The following PRTG variants were observed in gnomAD, a reference collection of about 807,000 sequenced individuals.
PRTG encodes protogenin.
A neutral mutation model predicts 122.5 loss-of-function variants in PRTG; 67 were observed. The observed-to-expected ratio is 0.55, with a 90% confidence interval of 0.45 to 0.67. The LOEUF (loss-of-function observed/expected upper bound fraction) is 0.67. PRTG is among the 30% of genes least tolerant of loss of function. PRTG has a pLI of 0.00. For missense variants in PRTG, 1,435 were observed against 1,415.4 expected (o/e 1.01, Z -0.22); for synonymous variants, 554 against 501.1 (o/e 1.11, Z -1.41).
intron 2 of PRTG, among the ~76,000 whole-genome samples, chr15:55,727,959 G>T (rs1444161147): frequency 3.3e-5 from 5 of 152,122 alleles, no homozygotes; most frequent in Non-Finnish European, 5.9e-5. Context: ...CCGCCTCCCA[G>T]GTTCAAGCGA....
intron 11 of PRTG, chr15:55,656,141 G>A: frequency 3.7e-6 from 1 of 271,202 alleles, no homozygotes; most frequent in South Asian, 3.9e-5. Flanking sequence ...CTAATATATA[G>A]TCTGTATTTA....
At chr15:55,726,516 G>C (rs2031036004) in intron 2 of PRTG, among the ~76,000 whole-genome samples, 1 of 151,938 alleles carries the variant, frequency 6.6e-6, no homozygotes, top group Non-Finnish European at 1.5e-5. Flanking sequence ...ACTGTCATGA[G>C]AGACAAAGGA....
rs749965497 is a variant in PRTG, at chr15:55,637,348, G to C, written c.2453-8C>G. ...CTGGTGGGCCTGCTGGTGCTGTGCAGACACAACAAAACATTGTATTAATAT... is the reference window on the plus strand; with the variant it reads ...CTGGTGGGCCTGCTGGTGCTGTGCACACACAACAAAACATTGTATTAATAT... On this transcript the variant is annotated splice_region_variant and splice_polypyrimidine_tract_variant and intron_variant, in intron 14 of 19. Coordinates refer to ENST00000389286, the MANE Select transcript of PRTG (RefSeq NM_173814.6). The C allele has an allele frequency of 4.4e-6, 7 of 1,604,740 alleles. No individual in the cohort carries two copies. Among genetic ancestry groups the C allele is most frequent in the African/African-American group, 4.0e-5 (3 of 74,470 alleles).
Position 55,729,222 on chromosome 15 carries a change from C to T in PRTG, c.397+11160G>A, listed in dbSNP as rs541933655. Among the ~76,000 whole-genome samples, 9 of 152,272 alleles carry T rather than the reference C, an allele frequency of 5.9e-5. No homozygotes were observed. The East Asian group carries it at 1.7e-3, about 29-fold the overall frequency. On this transcript the variant is annotated intron_variant, in intron 2 of 19. Coordinates refer to ENST00000389286, the MANE Select transcript of PRTG (RefSeq NM_173814.6). Reference sequence around the variant, plus strand: ...AATGAAGTACTGATACACGCCACAACGTGGATAAACCTTGAAAACATGCTA... The same window carrying T: ...AATGAAGTACTGATACACGCCACAATGTGGATAAACCTTGAAAACATGCTA...
intron 2 of PRTG, chr15:55,738,357 C>T (rs761645361): frequency 1.6e-6 from 1 of 614,348 alleles, no homozygotes; most frequent in Non-Finnish European, 2.9e-6. Context: ...AGTTAGAAAG[C>T]TCTGTGTTTT....
At chr15:55,701,432 G>A (rs2059662951) in intron 2 of PRTG, among the ~76,000 whole-genome samples, 2 of 152,060 alleles carry the variant, frequency 1.3e-5, no homozygotes, top group Admixed American at 6.5e-5. Context: ...TACTTGGGAG[G>A]CTGAGACAGG....
At chr15:55,741,595 G>T (rs1410854495) in intron 1 of PRTG, among the ~76,000 whole-genome samples, 2 of 152,150 alleles carry the variant, frequency 1.3e-5, no homozygotes, top group Non-Finnish European at 2.9e-5. Context: ...TGCACAGGCC[G>T]TCTTAAAGTC....
At chr15:55,726,935 A>G (rs1229573397) in intron 2 of PRTG, among the ~76,000 whole-genome samples, 1 of 143,048 alleles carries the variant, frequency 7.0e-6, no homozygotes, top group African/African-American at 2.6e-5. Flanking sequence ...GCAACAACAG[A>G]GTAAGAGTCC....
At chr15:55,664,501 A>G (rs1420445985) in intron 11 of PRTG, among the ~76,000 whole-genome samples, 1 of 152,214 alleles carries the variant, frequency 6.6e-6, no homozygotes, top group Non-Finnish European at 1.5e-5. Flanking sequence ...TTAAATTGGT[A>G]CAGATAACAA....
chr15:55,692,418 G>A (rs1283835846), intron 2 of PRTG, among the ~76,000 whole-genome samples: 3 of 152,162 alleles, frequency 2.0e-5, no homozygotes, highest in Non-Finnish European at 4.4e-5. Flanking sequence ...GGTATTCAGG[G>A]GAGACCGAGG....
chr15:55,717,333 T>G (rs1330893288), intron 2 of PRTG, among the ~76,000 whole-genome samples: 1 of 152,212 alleles, frequency 6.6e-6, no homozygotes, highest in Non-Finnish European at 1.5e-5. Context: ...AGGAATTCTG[T>G]TAGTTGTCAA....
chr15:55,677,594 T>C (rs1027047509), intron 8 of PRTG, among the ~76,000 whole-genome samples: 1 of 152,160 alleles, frequency 6.6e-6, no homozygotes, highest in African/African-American at 2.4e-5. Flanking sequence ...AGAAAAATCT[T>C]AAACTATACT....
chr15:55,644,528 T>C (rs1394617127), intron 11 of PRTG, among the ~76,000 whole-genome samples: 1 of 152,200 alleles, frequency 6.6e-6, no homozygotes, highest in Admixed American at 6.5e-5. Flanking sequence ...ATTAAACTTT[T>C]CTGTTGGTCA....
chr15:55,666,451 A>G (rs2059439844), intron 11 of PRTG, among the ~76,000 whole-genome samples: 1 of 152,242 alleles, frequency 6.6e-6, no homozygotes, highest in African/African-American at 2.4e-5. Flanking sequence ...TAAAATATTT[A>G]CGATCTGTCC....
At chr15:55,667,055 G>A (rs1360271696) in intron 11 of PRTG, among the ~76,000 whole-genome samples, 1 of 152,116 alleles carries the variant, frequency 6.6e-6, no homozygotes, top group East Asian at 1.9e-4. Flanking sequence ...ACACCATTTA[G>A]AGTCACAAGA....
chr15:55,690,557 G>A (rs1273081755), intron 2 of PRTG, among the ~76,000 whole-genome samples: 1 of 152,138 alleles, frequency 6.6e-6, no homozygotes, highest in African/African-American at 2.4e-5. Context: ...AACTTTTTTA[G>A]CACTGACATG....
At position 55,624,482 on chromosome 15, in the gene PRTG, G is replaced by C; in HGVS notation, c.2953C>G (p.Gln985Glu). ...CGAGGTAACTGTTGAGTTCCATTCT[G>C]TGCCGTCTTGGAAGCAGATGATTTC... ...ARKSSASKTAQNGTQQLPRTS... is the reference protein window; with the variant it reads ...ARKSSASKTAENGTQQLPRTS... Residue 985 changes from glutamine (Q) to glutamate (E), a missense_variant, in exon 18 of 20, where the codon CAG (glutamine) becomes GAG (glutamate). Transcript: ENST00000389286. 1 of 1,612,182 alleles carries C rather than the reference G, an allele frequency of 6.2e-7. No individual in the cohort carries two copies. The highest frequency in any genetic ancestry group is 8.5e-7 in the Non-Finnish European group (1 of 1,179,132).
chr15:55,680,006 A>C (rs888016324), intron 6 of PRTG, 48 bp downstream of exon 6: 2 of 1,511,388 alleles, frequency 1.3e-6, no homozygotes, highest in East Asian at 4.5e-5. Context: ...TAAAACGGCA[A>C]ATGTTAAAAT....
chr15:55,708,004 C>G (rs556766439), intron 2 of PRTG, among the ~76,000 whole-genome samples: 155 of 152,110 alleles, frequency 1.0e-3, no homozygotes, highest in Non-Finnish European at 1.8e-3. Flanking sequence ...CACCAATGCT[C>G]AGAAGCCACA....
Sources: gnomAD v4.1 joint callset for allele counts (sites outside exome capture counted in the v4.1 genomes callset) on GRCh38, gnomAD v4.1.1 for gene constraint, MANE v1.5 for transcripts, NCBI Gene and HGNC (gene_info 2026-07-23, HGNC 2026-07-21) for gene names.